Variants in LIX1L observed in about 807,000 individuals in gnomAD.
LIX1L encodes the protein limb and CNS expressed 1 like.
A neutral mutation model predicts 34.0 loss-of-function variants in LIX1L; 20 were observed. The observed-to-expected ratio is 0.59, with a 90% confidence interval of 0.41 to 0.85. The LOEUF is 0.85. LIX1L is among the 40% of genes least tolerant of loss of function. The probability of loss-of-function intolerance (pLI) is 0.00; values close to 1 mark genes in which losing one functional copy is unlikely to be tolerated. For missense variants in LIX1L, 397 were observed against 447.0 expected, an observed-to-expected ratio of 0.89 and a Z score of 1.01; for synonymous variants, 170 against 187.4, an observed-to-expected ratio of 0.91 and a Z score of 0.76.
At chr1:145,944,383 A>C (rs1553759007) in intron 2 of LIX1L, among the ~76,000 whole-genome samples, 2 of 152,162 alleles carry the variant, frequency 1.3e-5, no homozygotes, top group Non-Finnish European at 2.9e-5. Flanking sequence ...TAAGTAGACC[A>C]GGATGTGTTT....
chr1:145,949,697 T>C (rs1391883884), intron 1 of LIX1L, among the ~76,000 whole-genome samples: 1 of 152,110 alleles, frequency 6.6e-6, no homozygotes, highest in Non-Finnish European at 1.5e-5. Context: ...ATCAGTTTGC[T>C]TTTAGAAAGG....
rs587731035 is a variant in LIX1L at position 145,954,046 on chromosome 1, C to T, written c.292+3590G>A. Among the ~76,000 whole-genome samples the T allele has an allele frequency of 8.7e-5, 13 of 148,866 alleles. No homozygotes were observed. The East Asian group carries it at 2.2e-3, about 25-fold the overall frequency. On this transcript the variant is annotated intron_variant, in intron 1 of 5. Coordinates refer to ENST00000604000, the MANE Select transcript of LIX1L (RefSeq NM_153713.3). ...CTGCAGTCCAGCCTAGGCAACACAG[C>T]GAGATTCCATTTCTTAAAAAAAAAA...
intron 1 of LIX1L, 77 bp from the exon 2 acceptor site, chr1:145,947,859 G>A: frequency 7.6e-7 from 1 of 1,308,638 alleles, no homozygotes; most frequent in South Asian, 1.3e-5. Flanking sequence ...TACAGTACCT[G>A]TAACCTGTAC....
At chr1:145,949,938 T>C (rs587729984) in intron 1 of LIX1L, among the ~76,000 whole-genome samples, 1 of 151,694 alleles carries the variant, frequency 6.6e-6, no homozygotes, top group South Asian at 2.1e-4. Context: ...AACCTTAGCC[T>C]CTGAGTAGCT....
rs587714780 is a variant in LIX1L at position 145,948,415 on chromosome 1, A to G, written c.293-633T>C. Among the ~76,000 whole-genome samples the G allele has an allele frequency of 5.3e-5, 8 of 152,344 alleles. No individual in the cohort carries two copies. Among genetic ancestry groups the G allele is most frequent in the African/African-American group, 1.4e-4 (6 of 41,578 alleles). ...TCAAACTCAAGTAGTCTTGGTTCCA[A>G]TGAATATTCTTTTATGCAATACTGC... On this transcript the variant is annotated intron_variant, in intron 1 of 5. Transcript: ENST00000604000. The surrounding 1 kb of genome is among the most constrained non-coding windows in gnomAD (Gnocchi z 4.0).
chr1:145,937,117 G>A, intron 4 of LIX1L, 132 bp from the exon 5 acceptor site: 1 of 391,132 alleles, frequency 2.6e-6, no homozygotes, highest in East Asian at 4.2e-5. Flanking sequence ...ATAGGCCTTT[G>A]GGGAAGAAAA....
At chr1:145,939,732 C>CA (rs1390920706) in intron 3 of LIX1L, 1 of 148,324 alleles carries the variant, frequency 6.7e-6, no homozygotes, top group Admixed American at 6.8e-5. Context: ...TTGACCTCCT[C>CA]ACTCAAGTGA....
chr1:145,937,175 C>T (rs147996842), intron 4 of LIX1L, among the ~76,000 whole-genome samples, 190 bp from the exon 5 acceptor site: 40 of 137,530 alleles, frequency 2.9e-4, no homozygotes, highest in Non-Finnish European at 3.5e-4. Flanking sequence ...TATTTATTTA[C>T]TTACTTACTT....
chr1:145,955,010 C>G (rs781920244), intron 1 of LIX1L, among the ~76,000 whole-genome samples: 3 of 152,236 alleles, frequency 2.0e-5, no homozygotes, highest in Non-Finnish European at 4.4e-5. Flanking sequence ...AATCTTTATA[C>G]ATGCTCTGTA....
intron 2 of LIX1L, among the ~76,000 whole-genome samples, chr1:145,944,897 A>C (rs1649045048): frequency 6.6e-6 from 1 of 151,970 alleles, no homozygotes. Context: ...GCATGGTGGC[A>C]TATGCCTGCG....
At chr1:145,951,029 C>CA (rs1199616952) in intron 1 of LIX1L, among the ~76,000 whole-genome samples, 1 of 152,184 alleles carries the variant, frequency 6.6e-6, no homozygotes, top group Admixed American at 6.5e-5. Flanking sequence ...AAGAATAACT[C>CA]ACAGTTCCTG....
intron 4 of LIX1L, 166 bp downstream of exon 4, chr1:145,937,438 C>G: frequency 1.9e-6 from 1 of 527,154 alleles, no homozygotes; most frequent in Non-Finnish European, 3.4e-6. Context: ...GGATTACAGG[C>G]CTGAGCCACC....
intron 2 of LIX1L, among the ~76,000 whole-genome samples, chr1:145,946,068 C>A (rs1398647859): frequency 6.6e-6 from 1 of 151,604 alleles, no homozygotes; most frequent in Non-Finnish European, 1.5e-5. Flanking sequence ...CATACCACTG[C>A]ACTCCAGCCT....
In LIX1L at chr1:145,947,468, T is replaced by C. The variant is rs782265380; in HGVS notation, c.456+151A>G. On this transcript the variant is annotated intron_variant, in intron 2 of 5. Transcript: ENST00000604000. ...TACTGAGGTTCTACTATGGTCAAAT[T>C]GGCCTCAGATGCTTGCCAGAATAAT... is the stretch of plus-strand genomic sequence containing the variant. 3 of 748,374 alleles carry C rather than the reference T, an allele frequency of 4.0e-6. No individual in the cohort carries two copies. The African/African-American group carries it at 5.3e-5, about 13-fold the overall frequency. The allele number at this position is 748,374 out of a possible 1,614,324, so 46.4% of individuals were successfully genotyped here. A position where few individuals can be genotyped will look rare whatever the true frequency, so the allele number is the denominator to read the frequency against.
chr1:145,955,809 G>C (rs61814237), intron 1 of LIX1L, among the ~76,000 whole-genome samples: 1 of 152,226 alleles, frequency 6.6e-6, no homozygotes. Context: ...TGTGAAGCCT[G>C]ATTAATTGCC....
At chr1:145,940,800 C>G (rs1648885191) in intron 3 of LIX1L, among the ~76,000 whole-genome samples, 1 of 151,404 alleles carries the variant, frequency 6.6e-6, no homozygotes. Flanking sequence ...ATCTGCCCAC[C>G]TCGGCCTCCG....
rs587644467 is a variant in LIX1L, at chr1:145,937,123, G to C, written c.694-138C>G. 11 of 353,716 alleles carry C rather than the reference G, an allele frequency of 3.1e-5. No individual in the cohort carries two copies. In the South Asian group the frequency reaches 7.8e-4, roughly 25 times the overall value. 21.9% of individuals were successfully genotyped at this position (353,716 alleles called of 1,614,324 possible). A position where few individuals can be genotyped will look rare whatever the true frequency, so the allele number is the denominator to read the frequency against. ...CTAACTCTGATAGGCCTTTGGGGAA[G>C]AAAAATATTTATTTATTTATTTATT... On this transcript the variant is annotated intron_variant, in intron 4 of 5. Coordinates refer to ENST00000604000, the MANE Select transcript of LIX1L (RefSeq NM_153713.3).
At position 145,954,429 on chromosome 1, in the gene LIX1L, C is replaced by G. The variant is rs115689119; in HGVS notation, c.292+3207G>C. Among the ~76,000 whole-genome samples, 1,479 of 152,264 alleles carry G rather than the reference C, an allele frequency of 9.7e-3. 25 individuals carry two copies. Among genetic ancestry groups the G allele is most frequent in the African/African-American group, 0.034 (1,397 of 41,544 alleles). On this transcript the variant is annotated intron_variant, in intron 1 of 5. Transcript: ENST00000604000. The stretch of plus-strand genomic sequence containing the variant: ...CCCAACCCATTTAACTCCAGTCTTA[C>G]AGAAAAGAAGCTATCTGTGATTCTG...
At chr1:145,937,732 T>C (rs1648716037) in intron 3 of LIX1L, 33 bp from the exon 4 acceptor site, 1 of 1,295,036 alleles carries the variant, frequency 7.7e-7, no homozygotes, top group Admixed American at 1.7e-5. Context: ...GACAAATAGA[T>C]TTTCAACCAG....
Sources: allele counts gnomAD v4.1 joint callset (sites outside exome capture counted in the v4.1 genomes callset), GRCh38; gene constraint gnomAD v4.1.1; non-coding constraint Gnocchi (gnomAD v3.1); transcripts MANE v1.5; gene names NCBI Gene and HGNC (gene_info 2026-07-23, HGNC 2026-07-21).